RGS5: variants seen among roughly 807,000 people sequenced by gnomAD.
RGS5 encodes the protein regulator of G-protein signalling 5.
A neutral mutation model predicts 18.9 loss-of-function variants in RGS5; 20 were observed. The observed-to-expected ratio is 1.06, with a 90% confidence interval of 0.74 to 1.54. The LOEUF is 1.54. Among genes scored for constraint, RGS5 ranks in the 40% most tolerant of loss-of-function variants. RGS5 has a pLI of 0.00. For synonymous variants in RGS5, 57 were observed against 76.2 expected (o/e 0.75, Z 1.31); for missense variants, 201 against 211.8 (o/e 0.95, Z 0.32).
chr1:163,155,363 A>C (rs1181243472), intron 3 of RGS5, among the ~76,000 whole-genome samples: 1 of 152,172 alleles, frequency 6.6e-6, no homozygotes, highest in Non-Finnish European at 1.5e-5. Flanking sequence ...CAGCAAGTCC[A>C]TTTCCTGGAT....
intron 2 of RGS5, chr1:163,239,320 CAA>C (rs11346860): frequency 3.7e-4 from 53 of 142,024 alleles, no homozygotes; most frequent in African/African-American, 5.4e-4. Flanking sequence ...TACTAAAATC[CAA>C]AAAAAAAAAA....
intron 2 of RGS5, among the ~76,000 whole-genome samples, chr1:163,265,927 C>T (rs1026786880): frequency 6.6e-6 from 1 of 152,044 alleles, no homozygotes; most frequent in Admixed American, 6.6e-5. Flanking sequence ...TTTATGTTTT[C>T]TTGGCCTTCA....
chr1:163,266,021 G>A (rs1648564638), intron 2 of RGS5, among the ~76,000 whole-genome samples: 1 of 152,014 alleles, frequency 6.6e-6, no homozygotes, highest in Non-Finnish European at 1.5e-5. Context: ...CAGCCCAACT[G>A]CCTACTGGAC....
intron 1 of RGS5, among the ~76,000 whole-genome samples, chr1:163,171,881 G>C (rs938922103): frequency 6.6e-6 from 1 of 152,088 alleles, no homozygotes. Flanking sequence ...AATCACAAAC[G>C]GGTGCTTAAA....
chr1:163,227,126 CAG>C (rs1241320151), intron 2 of RGS5, among the ~76,000 whole-genome samples: 1 of 152,190 alleles, frequency 6.6e-6, no homozygotes, highest in African/African-American at 2.4e-5. Context: ...ATACACTCAT[CAG>C]AGTGATCATG....
upstream of RGS5, among the ~76,000 whole-genome samples, chr1:163,218,190 C>A (rs75554853): frequency 8.1e-3 from 1,226 of 152,074 alleles, 20 homozygotes; most frequent in African/African-American, 0.028. Flanking sequence ...ATTTGAGAGA[C>A]GGTTGATAAA....
chr1:163,230,862 G>C, intron 2 of RGS5, among the ~76,000 whole-genome samples: 1 of 152,106 alleles, frequency 6.6e-6, no homozygotes, highest in Non-Finnish European at 1.5e-5. Flanking sequence ...CATAAGAGGC[G>C]TAACAGGATA....
chr1:163,235,556 T>G (rs72695931), intron 2 of RGS5, among the ~76,000 whole-genome samples: 3,178 of 152,292 alleles, frequency 0.021, 51 homozygotes, highest in Non-Finnish European at 0.029. Flanking sequence ...CCCTAACCTA[T>G]GGTTCTTCTC....
Position 163,161,907 on chromosome 1 carries a change from A to G in RGS5, c.217+8T>C. ...CTTTATTTAAAAAAACAAACAATGG[A>G]AACTTACAGTTGTTCTGCAGGAGTT... On this transcript the variant is annotated splice_region_variant and intron_variant, in intron 3 of 4. Transcript: ENST00000313961. 6.2e-7 allele frequency: 1 copy of G among 1,611,514 alleles called. No homozygotes were observed. The highest frequency in any genetic ancestry group is 8.5e-7 in the Non-Finnish European group (1 of 1,177,890).
At chr1:163,251,964 A>G (rs562708991) in intron 2 of RGS5, among the ~76,000 whole-genome samples, 7 of 152,324 alleles carry the variant, frequency 4.6e-5, no homozygotes, top group African/African-American at 1.7e-4. Context: ...TTCTATGAAT[A>G]TTCATATACA....
At chr1:163,196,191 G>A (rs543589742) in intron 1 of RGS5, among the ~76,000 whole-genome samples, 3 of 152,158 alleles carry the variant, frequency 2.0e-5, no homozygotes, top group African/African-American at 7.2e-5. Flanking sequence ...TGTTATCTGA[G>A]AACTGATTAG....
At chr1:163,302,681 CCA>C (rs1425276156) in intron 2 of RGS5, among the ~76,000 whole-genome samples, 5 of 152,160 alleles carry the variant, frequency 3.3e-5, no homozygotes, top group African/African-American at 1.2e-4. Context: ...CCCAATCAAA[CCA>C]CAGTCAAACC....
intron 2 of RGS5, among the ~76,000 whole-genome samples, chr1:163,165,855 G>A (rs536368857): frequency 1.3e-5 from 2 of 151,826 alleles, no homozygotes; most frequent in East Asian, 3.9e-4. Flanking sequence ...GCGGTGAGCT[G>A]AGATCATGCC....
chr1:163,190,934 A>G (rs1306387577), intron 1 of RGS5, among the ~76,000 whole-genome samples: 1 of 152,166 alleles, frequency 6.6e-6, no homozygotes, highest in Non-Finnish European at 1.5e-5. Flanking sequence ...TTAAAGTAGG[A>G]CATGCTGATG....
chr1:163,246,661 G>T (rs926840755), intron 2 of RGS5, among the ~76,000 whole-genome samples: 2 of 152,158 alleles, frequency 1.3e-5, no homozygotes, highest in Admixed American at 1.3e-4. Flanking sequence ...TCATTGGGAA[G>T]AACAGTTCTT....
intron 1 of RGS5, among the ~76,000 whole-genome samples, chr1:163,171,340 C>A (rs1658287458): frequency 6.6e-6 from 1 of 152,146 alleles, no homozygotes; most frequent in African/African-American, 2.4e-5. Context: ...GTATCCCACC[C>A]AGTCCGTGAA....
At chr1:163,307,643 G>A (rs1194830400) in intron 1 of RGS5, among the ~76,000 whole-genome samples, 2 of 151,620 alleles carry the variant, frequency 1.3e-5, no homozygotes, top group African/African-American at 4.8e-5. Context: ...AGGAGCTTTA[G>A]TAACACATGA....
At chr1:163,175,500 A>G (rs1658509631) in intron 1 of RGS5, among the ~76,000 whole-genome samples, 1 of 152,182 alleles carries the variant, frequency 6.6e-6, no homozygotes, top group African/African-American at 2.4e-5. Context: ...AAGTCGGCTC[A>G]GTTCTGGGGC....
At chr1:163,246,518 C>G (rs1162893258) in intron 2 of RGS5, among the ~76,000 whole-genome samples, 1 of 152,006 alleles carries the variant, frequency 6.6e-6, no homozygotes, top group Non-Finnish European at 1.5e-5. Context: ...TTGCAGTGAG[C>G]CTAGATTGTG....
Sources: allele counts gnomAD v4.1 joint callset (sites outside exome capture counted in the v4.1 genomes callset), GRCh38; gene constraint gnomAD v4.1.1; transcripts MANE v1.5; gene names NCBI Gene and HGNC (gene_info 2026-07-23, HGNC 2026-07-21).